Variants in PPP1R9A observed in about 807,000 individuals in gnomAD.
The protein encoded by PPP1R9A is neurabin-1.
In PPP1R9A, 59 loss-of-function variants were observed where a neutral mutation model predicts 141.9. The ratio of observed to expected loss-of-function variants is 0.42; its 90% CI spans 0.34 to 0.52. The LOEUF is 0.52. Ranked by LOEUF, PPP1R9A falls within the 20% of genes least tolerant of loss-of-function variation. The pLI, the probability that PPP1R9A is intolerant of heterozygous loss-of-function variation, is 0.10. For synonymous variants in PPP1R9A, 500 were observed against 569.7 expected (o/e 0.88, Z 1.74); for missense variants, 1,444 against 1,611.9 (o/e 0.90, Z 1.78).
At chr7:95,208,397 A>G (rs775019924) in intron 7 of PPP1R9A, among the ~76,000 whole-genome samples, 1 of 152,316 alleles carries the variant, frequency 6.6e-6, no homozygotes, top group African/African-American at 2.4e-5. Flanking sequence ...GGAAGATAGC[A>G]TAGAAGAATG....
chr7:95,039,061 CA>C (rs1808845478), intron 2 of PPP1R9A, among the ~76,000 whole-genome samples: 1 of 152,122 alleles, frequency 6.6e-6, no homozygotes, highest in Non-Finnish European at 1.5e-5. Flanking sequence ...CCACTTTCAA[CA>C]AAAACTTATA....
At chr7:95,160,936 T>G (rs1243552546) in intron 4 of PPP1R9A, among the ~76,000 whole-genome samples, 2 of 152,186 alleles carry the variant, frequency 1.3e-5, no homozygotes, top group Non-Finnish European at 2.9e-5. Flanking sequence ...TTTGTGGACA[T>G]TTAGGTTGAT....
intron 4 of PPP1R9A, among the ~76,000 whole-genome samples, chr7:95,125,948 C>CT (rs1265205824): frequency 1.3e-5 from 2 of 152,084 alleles, no homozygotes; most frequent in African/African-American, 4.8e-5. Flanking sequence ...CTGAAGTACC[C>CT]TTCAGCCTAA....
intron 8 of PPP1R9A, 31 bp from the exon 9 acceptor site, chr7:95,247,442 T>C: frequency 6.4e-7 from 1 of 1,550,556 alleles, no homozygotes; most frequent in Non-Finnish European, 8.9e-7. Flanking sequence ...ACTTTCTTAG[T>C]TCAGATTTTT....
chr7:95,113,382 T>A (rs1820914268), intron 3 of PPP1R9A, among the ~76,000 whole-genome samples: 1 of 152,074 alleles, frequency 6.6e-6, no homozygotes, highest in African/African-American at 2.4e-5. Context: ...AAAAAGAAGA[T>A]CTGAGGCTTA....
At chr7:95,088,382 A>G (rs1320381134) in intron 2 of PPP1R9A, among the ~76,000 whole-genome samples, 1 of 151,884 alleles carries the variant, frequency 6.6e-6, no homozygotes, top group Non-Finnish European at 1.5e-5. Context: ...TTAAAGGACC[A>G]TGGTGTTCAG....
Position 94,910,922 on chromosome 7 carries a change from A to T in PPP1R9A, c.809A>T (p.Asp270Val). ...PSNKRGVDTE[D>V]AHKSNATPVP... is the part of the protein sequence containing the mutation. ...AACAAGCGAGGTGTTGATACAGAGG[A>T]TGCTCACAAGAGTAATGCAACTCCA... The change falls in exon 2 of 20, where the codon GAT (aspartate) becomes GTT (valine). Residue 270 changes from aspartate to valine, a missense_variant. By Grantham distance (152) the Asp-to-Val change is radical (BLOSUM62 -3). Around this residue, in one of 5 missense-constraint regions of PPP1R9A, gnomAD observed 490 missense variants for 521.1 expected, o/e 0.94. Coordinates refer to ENST00000433360, the MANE Select transcript of PPP1R9A (RefSeq NM_001166160.2). The surrounding 1 kb of genome is among the most constrained non-coding windows in gnomAD (Gnocchi z 4.5). 6.2e-7 allele frequency: 1 copy of T among 1,614,146 alleles called. No individual in the cohort carries two copies. Among genetic ancestry groups the T allele is most frequent in the Non-Finnish European group, 8.5e-7 (1 of 1,180,016 alleles).
At chr7:95,034,588 A>G (rs963527430) in intron 2 of PPP1R9A, among the ~76,000 whole-genome samples, 8 of 151,992 alleles carry the variant, frequency 5.3e-5, no homozygotes, top group African/African-American at 9.7e-5. Context: ...CCTGACTTCA[A>G]TTGGTCTGCC....
At chr7:95,087,823 C>T (rs879612733) in intron 2 of PPP1R9A, among the ~76,000 whole-genome samples, 11 of 150,296 alleles carry the variant, frequency 7.3e-5, no homozygotes, top group Non-Finnish European at 1.6e-4. Context: ...TGATCCTGGG[C>T]GGCAGAGGTT....
intron 2 of PPP1R9A, among the ~76,000 whole-genome samples, chr7:94,941,115 G>T (rs544557614): frequency 6.6e-6 from 1 of 152,088 alleles, no homozygotes; most frequent in Non-Finnish European, 1.5e-5. Flanking sequence ...TTCAGAAGTC[G>T]CAGGACAGAC....
chr7:95,173,709 T>C (rs140305965), intron 5 of PPP1R9A, among the ~76,000 whole-genome samples: 41 of 152,120 alleles, frequency 2.7e-4, no homozygotes, highest in Admixed American at 1.6e-3. Context: ...CCTATTAAAA[T>C]GTACAAATCA....
In PPP1R9A at chr7:95,293,976, T is replaced by C. The variant is rs1475134757; in HGVS notation, c.*3673T>C. ...AGCCCTGAGAGAACCATCTATACTT[T>C]GGATATGTTGTAGCCCCATCATTAC... On this transcript the variant is annotated 3_prime_UTR_variant, in exon 20 of 20. Transcript: ENST00000433360. 6.6e-6 allele frequency: 1 copy of C among 152,214 alleles called. No homozygotes were observed. Among genetic ancestry groups the C allele is most frequent in the Non-Finnish European group, 1.5e-5 (1 of 68,046 alleles). The allele number at this position is 152,214 out of a possible 1,614,324, so 9.4% of individuals were successfully genotyped here.
intron 3 of PPP1R9A, among the ~76,000 whole-genome samples, chr7:95,119,544 T>C (rs1238108352): frequency 6.6e-6 from 1 of 152,190 alleles, no homozygotes; most frequent in Non-Finnish European, 1.5e-5. Flanking sequence ...AACATCTGCC[T>C]CCCAGACTCA....
chr7:95,270,199 A>G (rs1279611023), intron 14 of PPP1R9A, among the ~76,000 whole-genome samples: 1 of 152,184 alleles, frequency 6.6e-6, no homozygotes, highest in Non-Finnish European at 1.5e-5. Context: ...AAAGGTAAAG[A>G]AAGCTTCCTG....
chr7:95,013,847 TCTAA>T (rs1264491269), intron 2 of PPP1R9A, among the ~76,000 whole-genome samples: 5 of 152,132 alleles, frequency 3.3e-5, no homozygotes, highest in Non-Finnish European at 7.4e-5. Context: ...TCTTTACTTT[TCTAA>T]CTTTTTGTTT....
chr7:94,981,057 G>T (rs548030291), intron 2 of PPP1R9A, among the ~76,000 whole-genome samples: 76 of 152,304 alleles, frequency 5.0e-4, no homozygotes, highest in African/African-American at 1.8e-3. Context: ...AGCTGTGCTA[G>T]AGAATAATGG....
chr7:95,217,890 T>C (rs1183508078), intron 7 of PPP1R9A, among the ~76,000 whole-genome samples: 2 of 152,206 alleles, frequency 1.3e-5, no homozygotes, highest in Non-Finnish European at 2.9e-5. Context: ...GCTATCAGTC[T>C]ATCAATTTTG....
chr7:95,241,513 T>TGATTGTGA (rs2152988058), intron 8 of PPP1R9A, among the ~76,000 whole-genome samples: 1 of 152,146 alleles, frequency 6.6e-6, no homozygotes, highest in East Asian at 1.9e-4. Context: ...TGTTCATTTT[T>TGATTGTGA]GATTGTGAGT....
intron 16 of PPP1R9A, among the ~76,000 whole-genome samples, chr7:95,275,769 G>C (rs1333564379): frequency 6.6e-6 from 1 of 152,078 alleles, no homozygotes; most frequent in Admixed American, 6.5e-5. Flanking sequence ...CATATACCTT[G>C]GTGAGAAATT....
Sources: gnomAD v4.1 joint callset for allele counts (sites outside exome capture counted in the v4.1 genomes callset) on GRCh38, gnomAD v4.1.1 for gene constraint, gnomAD v4.1.1 regional missense constraint, Gnocchi (gnomAD v3.1) non-coding constraint, MANE v1.5 for transcripts, NCBI Gene and HGNC (gene_info 2026-07-23, HGNC 2026-07-21) for gene names.